Variants in MPDZ observed in about 807,000 individuals in gnomAD.
The protein encoded by MPDZ is multiple PDZ domain protein.
MPDZ carries 234 observed loss-of-function variants against 239.1 expected under a neutral mutation model. The ratio of observed to expected loss-of-function variants is 0.98; its 90% CI spans 0.88 to 1.09. The LOEUF is 1.09. Ranked by LOEUF, MPDZ falls within the 50% of genes least tolerant of loss-of-function variation. MPDZ has a pLI of 0.00. For missense variants in MPDZ, 3,175 were observed against 2,510.0 expected (o/e 1.26, Z -5.66); for synonymous variants, 1,048 against 881.3 (o/e 1.19, Z -3.35).
chr9:13,190,958 T>C (rs1017312260), intron 15 of MPDZ, among the ~76,000 whole-genome samples: 1 of 152,110 alleles, frequency 6.6e-6, no homozygotes, highest in Admixed American at 6.6e-5. Context: ...CAGACAGAAA[T>C]AGGGATTCAA....
chr9:13,177,813 T>C (rs979986349), intron 19 of MPDZ, among the ~76,000 whole-genome samples: 7 of 152,152 alleles, frequency 4.6e-5, no homozygotes, highest in African/African-American at 1.7e-4. Flanking sequence ...AGAGTATTCA[T>C]ATCCACAAAG....
intron 22 of MPDZ, among the ~76,000 whole-genome samples, chr9:13,167,473 T>C (rs554282236): frequency 4.5e-4 from 69 of 152,108 alleles, no homozygotes; most frequent in Non-Finnish European, 9.3e-4. Context: ...ACAGCTTTTG[T>C]TACCTAAGCC....
chr9:13,136,320 GTTTTCTTTTTTTTTT>G (rs1282709180), intron 30 of MPDZ, 138 bp from the exon 31 acceptor site: 15 of 194,650 alleles, frequency 7.7e-5, no homozygotes, highest in African/African-American at 1.3e-4. Flanking sequence ...ATTTACAAAC[GTTTTCTTTTTTTTTT>G]TTTTTTTTTT....
intron 1 of MPDZ, among the ~76,000 whole-genome samples, chr9:13,260,714 G>A (rs1226547993): frequency 6.6e-6 from 1 of 152,178 alleles, no homozygotes; most frequent in Non-Finnish European, 1.5e-5. Context: ...CTATGTGCAA[G>A]CACTGAGGAA....
chr9:13,221,981 A>C (rs1381833814), intron 6 of MPDZ, among the ~76,000 whole-genome samples: 1 of 152,072 alleles, frequency 6.6e-6, no homozygotes, highest in Non-Finnish European at 1.5e-5. Flanking sequence ...AATTTTGTTA[A>C]AGGACTACAT....
At chr9:13,180,822 C>T (rs1953212279) in intron 19 of MPDZ, among the ~76,000 whole-genome samples, 2 of 152,074 alleles carry the variant, frequency 1.3e-5, no homozygotes, top group Non-Finnish European at 2.9e-5. Flanking sequence ...TGTTATTTCC[C>T]GTAAATCTTT....
chr9:13,193,249 C>T lies in MPDZ; in HGVS notation c.1721G>A (p.Gly574Glu). The stretch of plus-strand genomic sequence containing the variant: ...TAGAACAGATCGGATAAAATGATGT[C>T]CCACTGTCGCTTCCAGGCTTATCCC... ...GLGISLEATVGHHFIRSVLPE... is the reference protein window; with the variant it reads ...GLGISLEATVEHHFIRSVLPE... Residue 574 changes from glycine to glutamate, a missense_variant, in exon 14 of 47, where the codon GGA becomes GAA. By Grantham distance (98) the Gly-to-Glu change is moderately conservative (BLOSUM62 -2). Coordinates refer to ENST00000319217, the MANE Select transcript of MPDZ (RefSeq NM_001378778.1). 6.2e-7 allele frequency: 1 copy of T among 1,612,596 alleles called. No individual in the cohort carries two copies. The highest frequency in any genetic ancestry group is 8.5e-7 in the Non-Finnish European group (1 of 1,179,038).
chr9:13,264,505 G>A (rs991794736), intron 1 of MPDZ, among the ~76,000 whole-genome samples: 10 of 152,096 alleles, frequency 6.6e-5, no homozygotes, highest in Non-Finnish European at 1.3e-4. Flanking sequence ...CAAATCAGTG[G>A]TGTGTCTGGG....
intron 10 of MPDZ, among the ~76,000 whole-genome samples, chr9:13,209,720 A>G (rs116333552): frequency 3.1e-3 from 469 of 152,294 alleles, no homozygotes; most frequent in African/African-American, 0.011. Context: ...GTATTTATGG[A>G]AGCAGGAATT....
intron 2 of MPDZ, 75 bp downstream of exon 2, chr9:13,250,225 C>T (rs916887543): frequency 2.9e-6 from 4 of 1,402,880 alleles, no homozygotes; most frequent in Non-Finnish European, 3.9e-6. Context: ...CTATGTTAAA[C>T]ACAACATATG....
chr9:13,254,309 A>C (rs1430107406), intron 1 of MPDZ, among the ~76,000 whole-genome samples: 4 of 152,238 alleles, frequency 2.6e-5, no homozygotes, highest in African/African-American at 9.6e-5. Flanking sequence ...GTTAATGTCC[A>C]TACATCTTTA....
intron 10 of MPDZ, among the ~76,000 whole-genome samples, chr9:13,211,323 G>A (rs1957590113): frequency 6.6e-6 from 1 of 152,028 alleles, no homozygotes; most frequent in East Asian, 1.9e-4. Context: ...TTTAAGTTAA[G>A]ATTATACCTA....
chr9:13,234,611 T>C (rs1258838344), intron 3 of MPDZ, among the ~76,000 whole-genome samples: 1 of 152,160 alleles, frequency 6.6e-6, no homozygotes, highest in Non-Finnish European at 1.5e-5. Flanking sequence ...AGCTAAAATA[T>C]ATGTTATCTT....
chr9:13,256,077 A>G (rs1969354589), intron 1 of MPDZ, among the ~76,000 whole-genome samples: 1 of 152,196 alleles, frequency 6.6e-6, no homozygotes, highest in South Asian at 2.1e-4. Flanking sequence ...CTACATGAGC[A>G]CTTGCTGCTT....
At chr9:13,222,650 T>C (rs578086000) in intron 5 of MPDZ, among the ~76,000 whole-genome samples, 1 of 152,214 alleles carries the variant, frequency 6.6e-6, no homozygotes, top group South Asian at 2.1e-4. Flanking sequence ...CTGCTACTCC[T>C]ACTGAACCCC....
Position 13,222,394 on chromosome 9 carries a change from G to A in MPDZ, c.586C>T (p.Leu196Phe). ...TGCTGATGTGTAATTGTCTGATCAA[G>A]AGCCTGTCCATTGATAGCAAGAATT... Reference protein sequence around the residue: ...DQILAINGQALDQTITHQQAI... With the variant: ...DQILAINGQAFDQTITHQQAI... The change falls in exon 6 of 47, where the codon CTT becomes TTT. Residue 196 changes from leucine (L) to phenylalanine (F), a missense_variant. Leu to Phe is a conservative substitution (Grantham distance 22). Transcript: ENST00000319217. The A allele has an allele frequency of 1.2e-6, 2 of 1,612,806 alleles. No individual in the cohort carries two copies. Among genetic ancestry groups the A allele is most frequent in the African/African-American group, 1.3e-5 (1 of 74,946 alleles).
intron 12 of MPDZ, among the ~76,000 whole-genome samples, chr9:13,200,261 A>T (rs1956221421): frequency 6.6e-6 from 1 of 151,892 alleles, no homozygotes; most frequent in Non-Finnish European, 1.5e-5. Context: ...AGTCTCTAAC[A>T]ATCCTATGTA....
chr9:13,176,214 C>G lies in MPDZ; in HGVS notation c.2853G>C (p.Val951=), dbSNP rs1485461013. The change falls in exon 20 of 47, where the codon GTG becomes GTC. Residue 951 remains valine (V), a synonymous_variant. Transcript: ENST00000319217. ...CACTTGGTAAATGAGATTCAGTCCA[C>G]ACTATTGTGTTTTCACATTCATATT... ...EQQYECENTI[V]WTESHLPSEV... 6.2e-7 allele frequency: 1 copy of G among 1,603,738 alleles called. No individual in the cohort carries two copies. Among genetic ancestry groups the G allele is most frequent in the East Asian group, 2.2e-5 (1 of 44,496 alleles).
At chr9:13,274,395 G>A (rs1317233441) in intron 1 of MPDZ, 1 of 151,538 alleles carries the variant, frequency 6.6e-6, no homozygotes, top group Non-Finnish European at 1.5e-5. Flanking sequence ...AAATAACAAT[G>A]AATGTTGCTT....
Sources: gnomAD v4.1 joint callset for allele counts (sites outside exome capture counted in the v4.1 genomes callset) on GRCh38, gnomAD v4.1.1 for gene constraint, MANE v1.5 for transcripts, NCBI Gene and HGNC (gene_info 2026-07-23, HGNC 2026-07-21) for gene names.